Variants in MTAP observed in about 807,000 individuals in gnomAD.
MTAP encodes methylthioadenosine phosphorylase.
In MTAP, 33 loss-of-function variants were observed where a neutral mutation model predicts 33.6. The ratio of observed to expected loss-of-function variants is 0.98; its 90% CI spans 0.74 to 1.31. The LOEUF is 1.31. MTAP is among the 40% of genes most tolerant of loss of function. The pLI, the probability that MTAP is intolerant of heterozygous loss-of-function variation, is 0.00. For synonymous variants in MTAP, 148 were observed against 125.7 expected (o/e 1.18, Z -1.19); for missense variants, 367 against 360.0 (o/e 1.02, Z -0.16).
intron 1 of MTAP, among the ~76,000 whole-genome samples, chr9:21,806,427 A>G (rs1172552322): frequency 2.0e-5 from 3 of 152,206 alleles, no homozygotes; most frequent in Admixed American, 2.0e-4. Context: ...CTTGGAGCCA[A>G]GGAGGGTGAG....
intron 4 of MTAP, among the ~76,000 whole-genome samples, chr9:21,830,226 G>A (rs562787259): frequency 5.3e-5 from 8 of 152,228 alleles, no homozygotes; most frequent in South Asian, 4.2e-4. Flanking sequence ...TCATTTTCCC[G>A]TTTTTGTTGC....
At chr9:21,908,896 C>G (rs1484265970) in intron 1 of MTAP, among the ~76,000 whole-genome samples, 2 of 151,820 alleles carry the variant, frequency 1.3e-5, no homozygotes, top group African/African-American at 4.8e-5. Flanking sequence ...AGTCTCATCT[C>G]TTTATATTCC....
Position 21,910,686 on chromosome 9 carries a change from T to C in MTAP, c.148-20322T>C, listed in dbSNP as rs933776986. Among the ~76,000 whole-genome samples, 3 of 152,192 alleles carry C rather than the reference T, an allele frequency of 2.0e-5. No homozygotes were observed. The East Asian group carries it at 5.8e-4, about 29-fold the overall frequency. On this transcript the variant is annotated intron_variant, in intron 1 of 1. Coordinates refer to the MTAP transcript ENST00000577563. ...GAGTCCTTGTTTGTTGGTTTTTTAA[T>C]AGCAGTGATATAATTCACATATCAT... is the stretch of plus-strand genomic sequence containing the variant.
chr9:21,878,433 T>G (rs1191547363), intron 1 of MTAP, among the ~76,000 whole-genome samples: 1 of 152,140 alleles, frequency 6.6e-6, no homozygotes, highest in Non-Finnish European at 1.5e-5. Flanking sequence ...CTGGTTCCTC[T>G]AGTTGTAATT....
intron 1 of MTAP, among the ~76,000 whole-genome samples, chr9:21,877,096 T>C (rs948507256): frequency 6.6e-6 from 1 of 152,170 alleles, no homozygotes; most frequent in African/African-American, 2.4e-5. Context: ...CCTGTATTCC[T>C]AGGTATTTTA....
intron 5 of MTAP, among the ~76,000 whole-genome samples, chr9:21,842,368 C>T (rs573622771): frequency 6.6e-6 from 1 of 152,286 alleles, no homozygotes; most frequent in East Asian, 1.9e-4. Flanking sequence ...GCTGGCCTTG[C>T]TACAGATCTA....
chr9:21,859,635 G>C, intron 7 of MTAP: 1 of 454,278 alleles, frequency 2.2e-6, no homozygotes, highest in Non-Finnish European at 3.8e-6. Flanking sequence ...CTGAAGGCTA[G>C]GGTTGAGAGA....
At position 21,911,762 on chromosome 9, in the gene MTAP, C is replaced by T. The variant is rs188788357; in HGVS notation, c.148-19246C>T. Among the ~76,000 whole-genome samples the T allele has an allele frequency of 6.6e-5, 10 of 151,942 alleles. No homozygotes were observed. The East Asian group carries it at 1.7e-3, about 26-fold the overall frequency. ...AACACATTCAAAAGCTAGCAGAAGG[C>T]AAGAAATAACCAAGATGGGAGCAGA... On this transcript the variant is annotated intron_variant, in intron 1 of 1. Coordinates refer to the MTAP transcript ENST00000577563.
intron 4 of MTAP, among the ~76,000 whole-genome samples, chr9:21,835,451 G>T (rs1304283029): frequency 1.3e-5 from 2 of 152,014 alleles, no homozygotes; most frequent in Non-Finnish European, 2.9e-5. Context: ...TTCAGCATGA[G>T]GGAGAAATAT....
At chr9:21,898,911 C>T (rs970715774) in intron 1 of MTAP, among the ~76,000 whole-genome samples, 2 of 152,046 alleles carry the variant, frequency 1.3e-5, no homozygotes, top group African/African-American at 4.8e-5. Context: ...ATAAATCATG[C>T]TGTTATAAAG....
downstream of MTAP, chr9:21,867,096 T>G (rs1215479281): frequency 1.3e-5 from 2 of 152,176 alleles, no homozygotes; most frequent in African/African-American, 4.8e-5. Flanking sequence ...TTCTTATTTT[T>G]ATTTTATTGC....
In MTAP at chr9:21,808,259, A is replaced by G. The variant is rs75939284; in HGVS notation, c.33+5478A>G. Among the ~76,000 whole-genome samples the G allele has an allele frequency of 5.8e-3, 878 of 152,240 alleles. 7 individuals are homozygous for G. The highest frequency in any genetic ancestry group is 0.019 in the African/African-American group (806 of 41,538). On this transcript the variant is annotated intron_variant, in intron 1 of 7. Transcript: ENST00000644715. The stretch of plus-strand genomic sequence containing the variant: ...AGTGTTATAGTTTCCTGTTGCTGCT[A>G]TAACAATTTTCACAAATGGAGTGGC...
chr9:21,830,664 A>G (rs540170001), intron 4 of MTAP, among the ~76,000 whole-genome samples: 1 of 152,320 alleles, frequency 6.6e-6, no homozygotes, highest in East Asian at 1.9e-4. Flanking sequence ...CTTCTCTCCT[A>G]TGGTACACAC....
intron 1 of MTAP, among the ~76,000 whole-genome samples, chr9:21,914,686 G>C (rs748332732): frequency 1.3e-4 from 19 of 151,570 alleles, no homozygotes; most frequent in South Asian, 1.0e-3. Context: ...TGTAAATGAT[G>C]AGTTAATGGG....
chr9:21,913,158 T>C (rs922928696), intron 1 of MTAP, among the ~76,000 whole-genome samples: 2 of 152,210 alleles, frequency 1.3e-5, no homozygotes, highest in African/African-American at 4.8e-5. Context: ...GAACATTCCA[T>C]GCTCATGGAT....
intron 4 of MTAP, among the ~76,000 whole-genome samples, chr9:21,823,141 A>T (rs1417667088): frequency 6.6e-6 from 1 of 152,128 alleles, no homozygotes; most frequent in African/African-American, 2.4e-5. Context: ...TAAGGTTAAT[A>T]TTGTTATGTG....
Position 21,838,003 on chromosome 9 carries a change from C to T in MTAP, c.443C>T (p.Thr148Met), listed in dbSNP as rs368718537. ...ATGGCTGAGCCGTTTTGCCCCAAAA[C>T]GAGAGAGGTGTGTAGTCTTTCTGGA... ...IPMAEPFCPK[T>M]REVLIETAKK... Residue 148 changes from threonine (T) to methionine (M), a missense_variant, in exon 5 of 8, where the codon ACG becomes ATG. By Grantham distance (81) the Thr-to-Met change is moderately conservative (BLOSUM62 -1). Coordinates refer to ENST00000644715, the MANE Select transcript of MTAP (RefSeq NM_002451.4). 1.6e-5 allele frequency: 26 copies of T among 1,613,372 alleles called. No homozygotes were observed. The highest frequency in any genetic ancestry group is 5.5e-5 in the South Asian group (5 of 91,068).
At chr9:21,811,232 G>T (rs1824338171) in intron 1 of MTAP, among the ~76,000 whole-genome samples, 2 of 152,276 alleles carry the variant, frequency 1.3e-5, no homozygotes, top group African/African-American at 2.4e-5. Flanking sequence ...GTGTGCCCAG[G>T]CCTCAAAGTG....
At chr9:21,820,525 G>C (rs531845831) in intron 4 of MTAP, among the ~76,000 whole-genome samples, 2 of 152,150 alleles carry the variant, frequency 1.3e-5, no homozygotes, top group Non-Finnish European at 2.9e-5. Flanking sequence ...CCAGTACCAC[G>C]CTGTTTTGGT....
Sources: allele counts gnomAD v4.1 joint callset (sites outside exome capture counted in the v4.1 genomes callset), GRCh38; gene constraint gnomAD v4.1.1; transcripts MANE v1.5; gene names NCBI Gene and HGNC (gene_info 2026-07-23, HGNC 2026-07-21).